Variants in CEP85 observed in about 807,000 individuals in gnomAD.
The protein encoded by CEP85 is centrosomal protein of 85 kDa.
A neutral mutation model predicts 93.7 loss-of-function variants in CEP85; 58 were observed. The observed-to-expected ratio is 0.62, with a 90% confidence interval of 0.50 to 0.77. The LOEUF is 0.77. CEP85 is among the 30% of genes least tolerant of loss of function. The pLI, the probability that CEP85 is intolerant of heterozygous loss-of-function variation, is 0.00. For synonymous variants in CEP85, 314 were observed against 338.6 expected, an observed-to-expected ratio of 0.93 and a Z score of 0.80; for missense variants, 868 against 922.0, an observed-to-expected ratio of 0.94 and a Z score of 0.76.
intron 2 of CEP85, 141 bp downstream of exon 2, chr1:26,239,979 T>C (rs555257692): frequency 3.0e-6 from 2 of 664,452 alleles, no homozygotes; most frequent in South Asian, 1.8e-5. Flanking sequence ...CTTCATTGAA[T>C]ATAAAAACAG....
chr1:26,248,303 C>CA, intron 3 of CEP85, among the ~76,000 whole-genome samples: 1 of 152,238 alleles, frequency 6.6e-6, no homozygotes, highest in Non-Finnish European at 1.5e-5. Context: ...TTTTTAAAAT[C>CA]AATCAGTGGT....
chr1:26,241,880 G>C (rs2089432725), intron 2 of CEP85, among the ~76,000 whole-genome samples: 1 of 151,788 alleles, frequency 6.6e-6, no homozygotes, highest in African/African-American at 2.4e-5. Flanking sequence ...TTGTGCCTCA[G>C]CCTCCCAAGT....
At position 26,255,466 on chromosome 1, in the gene CEP85, G is replaced by C. The variant is rs750419225; in HGVS notation, c.504G>C (p.Val168=). 1 of 1,614,118 alleles carries C rather than the reference G, an allele frequency of 6.2e-7. No homozygotes were observed. Among genetic ancestry groups the C allele is most frequent in the South Asian group, 1.1e-5 (1 of 91,066 alleles). ...TTGAGCAGTCCTGGTTTCCAGCAGT[G>C]GGCCATGAAAGACAAGAAGAGGCGA... The part of the protein sequence containing the change: ...NGIEQSWFPA[V]GHERQEEARK... Residue 168 remains valine, a synonymous_variant, in exon 4 of 14, where the codon GTG becomes GTC. Coordinates refer to ENST00000451429, the MANE Select transcript of CEP85 (RefSeq NM_001319944.2).
chr1:26,270,961 C>A, intron 9 of CEP85, 53 bp from the exon 10 acceptor site: 1 of 1,127,948 alleles, frequency 8.9e-7, no homozygotes, highest in South Asian at 1.3e-5. Context: ...AACCAAGAAT[C>A]AAAGCCACTT....
Position 26,269,782 on chromosome 1 carries a change from C to CTTTTTT in CEP85, c.1649+185_1649+190dup, listed in dbSNP as rs748230113. On this transcript the variant is annotated intron_variant, in intron 9 of 13. Coordinates refer to ENST00000451429, the MANE Select transcript of CEP85 (RefSeq NM_001319944.2). ...TAGGAAAGCTGCTTATGGGAAGCGG[C>CTTTTTT]TTTTTTTTTTTTTTTTTTTTTTGAG... 2.6e-3 allele frequency among the ~76,000 whole-genome samples: 217 copies of CTTTTTT among 84,702 alleles called. 10 individuals carry two copies. The highest frequency in any genetic ancestry group is 3.7e-3 in the Non-Finnish European group (167 of 45,478). The allele number at this position is 84,702 out of a possible 152,430, so 55.6% of individuals were successfully genotyped here. A position where few individuals can be genotyped will look rare whatever the true frequency, so the allele number is the denominator to read the frequency against.
In CEP85 at chr1:26,278,083, C is replaced by G. The variant is rs972875958; in HGVS notation, c.*790C>G. 2.0e-5 allele frequency: 3 copies of G among 152,616 alleles called. No individual in the cohort carries two copies. The highest frequency in any genetic ancestry group is 6.5e-5 in the Admixed American group (1 of 15,274). 9.5% of individuals were successfully genotyped at this position (152,616 alleles called of 1,614,324 possible). A position where few individuals can be genotyped will look rare whatever the true frequency, so the allele number is the denominator to read the frequency against. Reference sequence around the variant, plus strand: ...TCTTCTCTGTGGTTCTAGCCTTGGGCAGAATTATATCCCAGAGACCACAGA... The same window carrying G: ...TCTTCTCTGTGGTTCTAGCCTTGGGGAGAATTATATCCCAGAGACCACAGA... On this transcript the variant is annotated 3_prime_UTR_variant, in exon 14 of 14. Transcript: ENST00000451429.
At chr1:26,243,010 T>C (rs1337647021) in intron 2 of CEP85, among the ~76,000 whole-genome samples, 2 of 152,176 alleles carry the variant, frequency 1.3e-5, no homozygotes, top group African/African-American at 2.4e-5. Flanking sequence ...TTTAGTGATA[T>C]CTTCACGTTG....
At chr1:26,263,227 C>A in intron 7 of CEP85, 1 of 310,640 alleles carries the variant, frequency 3.2e-6, no homozygotes, top group South Asian at 3.5e-5. Flanking sequence ...ATACCCACCT[C>A]TGCTGTGCTG....
At chr1:26,239,659 T>G (rs2089389271) in intron 1 of CEP85, 103 bp from the exon 2 acceptor site, 1 of 758,590 alleles carries the variant, frequency 1.3e-6, no homozygotes, top group Non-Finnish European at 2.3e-6. Context: ...GCCAAATACT[T>G]GAATATTCTA....
intron 8 of CEP85, 177 bp from the exon 9 acceptor site, chr1:26,269,283 G>A: frequency 1.6e-6 from 1 of 609,846 alleles, no homozygotes; most frequent in Non-Finnish European, 2.9e-6. Flanking sequence ...CTGTCCAGTT[G>A]TGTTCTCACC....
intron 7 of CEP85, among the ~76,000 whole-genome samples, chr1:26,268,278 C>T (rs1469238487): frequency 4.6e-5 from 7 of 152,208 alleles, no homozygotes; most frequent in Admixed American, 1.3e-4. Flanking sequence ...AAAAACATGG[C>T]GAAACTCTGT....
intron 3 of CEP85, among the ~76,000 whole-genome samples, chr1:26,252,255 G>A (rs868017654): frequency 1.4e-5 from 2 of 143,472 alleles, no homozygotes; most frequent in Non-Finnish European, 3.0e-5. Flanking sequence ...AAATTGGGCC[G>A]GGGGCAGTGG....
At chr1:26,265,231 G>T (rs1031072650) in intron 7 of CEP85, among the ~76,000 whole-genome samples, 1 of 152,076 alleles carries the variant, frequency 6.6e-6, no homozygotes, top group Admixed American at 6.5e-5. Flanking sequence ...TGATCTGCCC[G>T]CCTCGACTTC....
At chr1:26,276,809 T>C in intron 13 of CEP85, 49 bp downstream of exon 13, 1 of 1,408,474 alleles carries the variant, frequency 7.1e-7, no homozygotes, top group East Asian at 2.4e-5. Flanking sequence ...TCCTTCTTTC[T>C]CTTCTCTCCC....
intron 7 of CEP85, chr1:26,263,253 T>G: frequency 3.0e-6 from 1 of 331,522 alleles, no homozygotes; most frequent in Non-Finnish European, 5.9e-6. Context: ...GAAGATCTTA[T>G]AAGGAAGTGC....
In CEP85 at chr1:26,276,682, C is replaced by G. The variant is rs140012950; in HGVS notation, c.2050C>G (p.Leu684Val). 9 of 1,614,110 alleles carry G rather than the reference C, an allele frequency of 5.6e-6. No individual in the cohort carries two copies. In the African/African-American group the frequency reaches 1.1e-4, roughly 19 times the overall value. Residue 684 changes from leucine to valine, a missense_variant, in exon 13 of 14, where the codon CTG becomes GTG. Physicochemically the swap from Leu to Val is conservative, Grantham distance 32 (BLOSUM62 1). Transcript: ENST00000451429. ...GGAGTTGGCCAGTTGCCTTCAAGAT[C>G]TGCAGGCTGTCTGTAGCATTGTGAC... Reference protein sequence around the residue: ...HQELASCLQDLQAVCSIVTQR... With the variant: ...HQELASCLQDVQAVCSIVTQR...
At chr1:26,250,545 C>T (rs2124573267) in intron 3 of CEP85, among the ~76,000 whole-genome samples, 1 of 152,288 alleles carries the variant, frequency 6.6e-6, no homozygotes, top group East Asian at 1.9e-4. Context: ...CTGAATCAGG[C>T]AGTTTACTTA....
chr1:26,268,575 C>G lies in CEP85; in HGVS notation c.1434C>G (p.Thr478=). 1 of 1,613,998 alleles carries G rather than the reference C, an allele frequency of 6.2e-7. No individual in the cohort carries two copies. The highest frequency in any genetic ancestry group is 8.5e-7 in the Non-Finnish European group (1 of 1,179,928). The change falls in exon 8 of 14, where the codon ACC becomes ACG. Residue 478 remains threonine, a synonymous_variant. Coordinates refer to ENST00000451429, the MANE Select transcript of CEP85 (RefSeq NM_001319944.2). ...GGGAGAAGCAGCAGCGTATTGAGAC[C>G]TTGGAGCGCTACCTGGCTGACCTGC... The part of the protein sequence containing the change: ...QNREKQQRIE[T]LERYLADLPT...
chr1:26,264,525 C>G (rs1161079396), intron 7 of CEP85, among the ~76,000 whole-genome samples: 2 of 152,128 alleles, frequency 1.3e-5, no homozygotes, highest in African/African-American at 4.8e-5. Flanking sequence ...GAGAGTGAGA[C>G]TCCTTCAAAA....
Sources: gnomAD v4.1 joint callset for allele counts (sites outside exome capture counted in the v4.1 genomes callset) on GRCh38, gnomAD v4.1.1 for gene constraint, MANE v1.5 for transcripts, NCBI Gene and HGNC (gene_info 2026-07-23, HGNC 2026-07-21) for gene names.